Variants in AKR1E2 observed in about 807,000 individuals in gnomAD.
AKR1E2 encodes 1,5-anhydro-D-fructose reductase.
Under a neutral mutation model 41.9 loss-of-function variants are expected in AKR1E2, and 43 were observed. That is an observed-to-expected ratio of 1.03 (90% CI 0.80 to 1.32). The LOEUF is 1.32. Among genes scored for constraint, AKR1E2 ranks in the 40% most tolerant of loss-of-function variants. The pLI is 0.00. For missense variants in AKR1E2, 423 were observed against 396.5 expected (o/e 1.07, Z -0.57); for synonymous variants, 121 against 138.9 (o/e 0.87, Z 0.91).
At chr10:4,850,610 C>T (rs770081860), downstream of AKR1E2, among the ~76,000 whole-genome samples, 1 of 152,214 alleles carries the variant, frequency 6.6e-6, no homozygotes, top group Non-Finnish European at 1.5e-5. Flanking sequence ...TAGTTTTGGT[C>T]TGCCCCTGTT....
intron 5 of AKR1E2, among the ~76,000 whole-genome samples, chr10:4,838,436 TC>T (rs1210175018): frequency 2.0e-5 from 3 of 152,264 alleles, no homozygotes; most frequent in African/African-American, 7.2e-5. Context: ...AGTTATCCAT[TC>T]TGCTGTTAAT....
At chr10:4,832,568 C>A (rs1167218427) in intron 2 of AKR1E2, among the ~76,000 whole-genome samples, 1 of 152,162 alleles carries the variant, frequency 6.6e-6, no homozygotes, top group Admixed American at 6.5e-5. Flanking sequence ...TTGGAAAAGT[C>A]ATAGAAATGT....
chr10:4,867,712 G>A, the AKR1E2 span, among the ~76,000 whole-genome samples: 4 of 152,144 alleles, frequency 2.6e-5, no homozygotes, highest in South Asian at 8.3e-4. Context: ...TTAACCCACA[G>A]TTCTAACATT....
At chr10:4,825,010 C>T (rs117710769), upstream of AKR1E2, 78 of 455,920 alleles carry the variant, frequency 1.7e-4, 1 homozygote, top group East Asian at 3.1e-3. Flanking sequence ...TTCAGCACTG[C>T]ACCCTGGCCT....
At chr10:4,854,089 T>TG in the AKR1E2 span, among the ~76,000 whole-genome samples, 2 of 73,454 alleles carry the variant, frequency 2.7e-5, no homozygotes, top group African/African-American at 1.1e-4. Flanking sequence ...TTTACTGTTT[T>TG]TTTTTTTTTT....
the AKR1E2 span, among the ~76,000 whole-genome samples, chr10:4,869,147 C>T: frequency 1.3e-5 from 2 of 151,856 alleles, no homozygotes; most frequent in Non-Finnish European, 2.9e-5. Context: ...ATAAGCAATC[C>T]CCAGTGAAAT....
downstream of AKR1E2, among the ~76,000 whole-genome samples, chr10:4,848,851 T>C (rs2924265): frequency 0.2 from 31,179 of 152,180 alleles, 3,389 homozygotes; most frequent in Middle Eastern, 0.34. Flanking sequence ...CCTCCCAGCC[T>C]TCAGTGTCCT....
Position 4,833,392 on chromosome 10 carries a change from T to C in AKR1E2, c.250T>C (p.Cys84Arg). Residue 84 changes from cysteine to arginine, a missense_variant, in exon 3 of 10, where the codon TGC (cysteine) becomes CGC (arginine). By Grantham distance (180) the Cys-to-Arg change is radical. Transcript: ENST00000298375. ...CHKKSLVETACRKSLKALKLN... is the reference protein window; with the variant it reads ...CHKKSLVETARRKSLKALKLN... The stretch of plus-strand genomic sequence containing the variant: ...TAAGAAGTCCTTGGTGGAAACAGCA[T>C]GCAGAAAGAGTCTCAAGGCCTTGAA... 2 of 1,614,218 alleles carry C rather than the reference T, an allele frequency of 1.2e-6. No individual in the cohort carries two copies. Among genetic ancestry groups the C allele is most frequent in the Non-Finnish European group, 8.5e-7 (1 of 1,180,032 alleles).
At chr10:4,845,546 G>A (rs78924542) in intron 8 of AKR1E2, among the ~76,000 whole-genome samples, 6,744 of 152,156 alleles carry the variant, frequency 0.044, 233 homozygotes, top group Non-Finnish European at 0.068. Flanking sequence ...TCTGTGCCCT[G>A]CAGGGCAGCT....
the AKR1E2 span, among the ~76,000 whole-genome samples, chr10:4,873,025 T>G: frequency 6.6e-6 from 1 of 152,252 alleles, no homozygotes; most frequent in African/African-American, 2.4e-5. Context: ...ATGTCAGTGA[T>G]GTGGTTTGGC....
At chr10:4,835,222 G>T (rs1833305983) in intron 3 of AKR1E2, among the ~76,000 whole-genome samples, 1 of 152,192 alleles carries the variant, frequency 6.6e-6, no homozygotes, top group Non-Finnish European at 1.5e-5. Context: ...TCTACCTCCT[G>T]TGTACCTTTG....
the AKR1E2 span, among the ~76,000 whole-genome samples, chr10:4,853,670 G>A: frequency 6.6e-6 from 1 of 152,074 alleles, no homozygotes. Context: ...CTGAAAGTGG[G>A]GACAACTGTC....
intron 7 of AKR1E2, 29 bp from the exon 8 acceptor site, chr10:4,842,388 TTGTG>T: frequency 1.3e-6 from 2 of 1,591,936 alleles, no homozygotes; most frequent in Non-Finnish European, 8.6e-7. Flanking sequence ...GGATTTCCCT[TTGTG>T]TGATAGTAGA....
the AKR1E2 span, chr10:4,871,806 G>C: frequency 6.6e-6 from 1 of 152,076 alleles, no homozygotes; most frequent in Non-Finnish European, 1.5e-5. Context: ...AATCAATCTG[G>C]AATAAACTAG....
In AKR1E2 at chr10:4,826,279, T is replaced by A; in HGVS notation, c.-46T>A. ...CAGTAGCTCGCGCGGTGCCTGTCGG[T>A]AGTCGCGTGCGGGGCGGCGGGGCGG... On this transcript the variant is annotated 5_prime_UTR_variant, in exon 1 of 10. Transcript: ENST00000298375. 1.6e-6 allele frequency: 2 copies of A among 1,226,700 alleles called. No individual in the cohort carries two copies. Among genetic ancestry groups the A allele is most frequent in the Non-Finnish European group, 2.0e-6 (2 of 982,436 alleles). 76.0% of individuals were successfully genotyped at this position (1,226,700 alleles called of 1,614,324 possible).
At chr10:4,845,268 G>A (rs112593106) in intron 8 of AKR1E2, among the ~76,000 whole-genome samples, 5,289 of 152,230 alleles carry the variant, frequency 0.035, 148 homozygotes, top group East Asian at 0.11. Context: ...CAAGCACCAC[G>A]CGCAGCCCCG....
rs1476854106 is a variant in AKR1E2 at position 4,847,469 on chromosome 10, T to G, written c.921-19T>G. Reference sequence around the variant, plus strand: ...ATCATTCTTTGTTCCTATTTTTGATTTGTTTTTCTGTTTTTCAGAACTAAA... The same window carrying G: ...ATCATTCTTTGTTCCTATTTTTGATGTGTTTTTCTGTTTTTCAGAACTAAA... On this transcript the variant is annotated intron_variant, in intron 9 of 9. Coordinates refer to ENST00000298375, the MANE Select transcript of AKR1E2 (RefSeq NM_001040177.3). 1 of 1,610,504 alleles carries G rather than the reference T, an allele frequency of 6.2e-7. No individual in the cohort carries two copies. The highest frequency in any genetic ancestry group is 1.7e-5 in the Admixed American group (1 of 59,626).
At chr10:4,866,648 T>G in the AKR1E2 span, among the ~76,000 whole-genome samples, 8 of 124,154 alleles carry the variant, frequency 6.4e-5, no homozygotes, top group South Asian at 2.7e-4. Context: ...TGTTTTTGTT[T>G]TTTTTTTTTT....
the AKR1E2 span, among the ~76,000 whole-genome samples, chr10:4,867,243 G>T: frequency 1.1e-4 from 17 of 152,240 alleles, no homozygotes; most frequent in African/African-American, 3.9e-4. Context: ...TTGCAAAGGT[G>T]GATTCACAAC....
Sources: gnomAD v4.1 joint callset for allele counts (sites outside exome capture counted in the v4.1 genomes callset) on GRCh38, gnomAD v4.1.1 for gene constraint, MANE v1.5 for transcripts, NCBI Gene and HGNC (gene_info 2026-07-23, HGNC 2026-07-21) for gene names.